CNTLN: variants seen among roughly 807,000 people sequenced by gnomAD.
CNTLN encodes centlein.
In CNTLN, 212 loss-of-function variants were observed where a neutral mutation model predicts 180.0. The ratio of observed to expected loss-of-function variants is 1.18; its 90% CI spans 1.05 to 1.32. The LOEUF (loss-of-function observed/expected upper bound fraction) is 1.32. CNTLN is among the 40% of genes most tolerant of loss of function. The pLI, the probability that CNTLN is intolerant of heterozygous loss-of-function variation, is 0.00. For missense variants in CNTLN, 2,095 were observed against 1,610.9 expected (o/e 1.30, Z -5.14); for synonymous variants, 722 against 563.1 (o/e 1.28, Z -3.99).
chr9:17,187,562 AT>A, intron 2 of CNTLN, among the ~76,000 whole-genome samples: 1 of 152,120 alleles, frequency 6.6e-6, no homozygotes, highest in African/African-American at 2.4e-5. Flanking sequence ...GTGCAAATAA[AT>A]TATTTACTTT....
intron 18 of CNTLN, among the ~76,000 whole-genome samples, chr9:17,419,000 G>T (rs1411133763): frequency 5.9e-5 from 9 of 152,166 alleles, no homozygotes; most frequent in Admixed American, 5.2e-4. Flanking sequence ...AAGCTTAGAA[G>T]AAGAAATTTG....
At chr9:17,457,936 A>G (rs1411603923) in intron 19 of CNTLN, among the ~76,000 whole-genome samples, 1 of 151,976 alleles carries the variant, frequency 6.6e-6, no homozygotes, top group East Asian at 1.9e-4. Flanking sequence ...ATGAAATCCT[A>G]ATTTAGGAGC....
intron 23 of CNTLN, among the ~76,000 whole-genome samples, chr9:17,467,507 T>C (rs540664695): frequency 3.3e-5 from 5 of 151,798 alleles, no homozygotes; most frequent in South Asian, 2.1e-4. Flanking sequence ...TTGGAAATCA[T>C]AGATACCTTG....
chr9:17,367,917 C>A (rs1823967676), intron 13 of CNTLN, among the ~76,000 whole-genome samples: 2 of 151,870 alleles, frequency 1.3e-5, no homozygotes, highest in Admixed American at 1.3e-4. Context: ...CCCAGGGCAT[C>A]CCCAGCTGTG....
intron 12 of CNTLN, among the ~76,000 whole-genome samples, chr9:17,354,625 C>T (rs1438734573): frequency 6.6e-6 from 1 of 152,032 alleles, no homozygotes; most frequent in East Asian, 1.9e-4. Context: ...CTGATGGGGA[C>T]GTGGAGAACC....
At chr9:17,252,962 G>T (rs1201620573) in intron 5 of CNTLN, among the ~76,000 whole-genome samples, 2 of 151,474 alleles carry the variant, frequency 1.3e-5, no homozygotes, top group African/African-American at 2.4e-5. Context: ...GATGTGTCCA[G>T]TTTCATTCTT....
chr9:17,515,186 C>A, the CNTLN span, among the ~76,000 whole-genome samples: 1 of 152,122 alleles, frequency 6.6e-6, no homozygotes, highest in Admixed American at 6.5e-5. Flanking sequence ...GCTGGTCACG[C>A]TTTCTTGAAA....
chr9:17,245,834 C>T (rs561466066), intron 5 of CNTLN, among the ~76,000 whole-genome samples: 2 of 151,848 alleles, frequency 1.3e-5, no homozygotes, highest in Non-Finnish European at 2.9e-5. Flanking sequence ...GAGACTGATG[C>T]ATTCTTTAAT....
At chr9:17,251,527 T>TC (rs1826141854) in intron 5 of CNTLN, among the ~76,000 whole-genome samples, 1 of 151,920 alleles carries the variant, frequency 6.6e-6, no homozygotes, top group South Asian at 2.1e-4. Flanking sequence ...TGCTGAACCC[T>TC]CTAGTGAAAA....
intron 2 of CNTLN, among the ~76,000 whole-genome samples, chr9:17,224,067 G>C (rs1342622974): frequency 6.6e-6 from 1 of 151,912 alleles, no homozygotes; most frequent in Non-Finnish European, 1.5e-5. Context: ...AGAGTTACAT[G>C]TTAACTATTC....
chr9:17,483,293 A>T, intron 23 of CNTLN, among the ~76,000 whole-genome samples: 1 of 150,712 alleles, frequency 6.6e-6, no homozygotes, highest in East Asian at 2.0e-4. Flanking sequence ...ACTCTGAAAT[A>T]GCATATTGGT....
intron 3 of CNTLN, among the ~76,000 whole-genome samples, chr9:17,233,242 C>A (rs1165748452): frequency 6.6e-6 from 1 of 151,700 alleles, no homozygotes; most frequent in Non-Finnish European, 1.5e-5. Context: ...AAGTAAGTTT[C>A]GTATAAGTTA....
At position 17,388,243 on chromosome 9, in the gene CNTLN, C is replaced by T. The variant is rs757918528; in HGVS notation, c.2069C>T (p.Thr690Ile). The change falls in exon 14 of 26, where the codon ACA (threonine) becomes ATA (isoleucine). Residue 690 changes from threonine (T) to isoleucine (I), a missense_variant. By Grantham distance (89) the Thr-to-Ile change is moderately conservative (BLOSUM62 -1). Transcript: ENST00000380647. ...EKNGKEMLEQ[T>I]LQKVTELENR... ...AATGGAAAAGAAATGTTGGAGCAGA[C>T]ATTACAGAAGGTAGTCTAATCTTTA... The T allele has an allele frequency of 4.4e-6, 7 of 1,607,246 alleles. No individual in the cohort carries two copies. The East Asian group carries it at 8.9e-5, about 21-fold the overall frequency.
rs1239731746 is a variant in CNTLN at position 17,286,166 on chromosome 9, T to G, written c.984-12024T>G. 6.9e-5 allele frequency among the ~76,000 whole-genome samples: 5 copies of G among 72,194 alleles called. 1 individual carries two copies. The highest frequency in any genetic ancestry group is 9.7e-5 in the Non-Finnish European group (4 of 41,372). The allele number at this position is 72,194 out of a possible 152,430, so 47.4% of individuals were successfully genotyped here. ...CTAACGTTTAAATCTTTAATCCATC[T>G]TGAATTGATTTTTGTATAAGGTGTA... On this transcript the variant is annotated intron_variant, in intron 6 of 25. Coordinates refer to ENST00000380647, the MANE Select transcript of CNTLN (RefSeq NM_017738.4).
At chr9:17,521,481 T>TC in the CNTLN span, among the ~76,000 whole-genome samples, 2 of 152,188 alleles carry the variant, frequency 1.3e-5, no homozygotes, top group Non-Finnish European at 2.9e-5. Context: ...ATTCTTTTTT[T>TC]CCCCCGAATT....
chr9:17,218,279 A>T (rs1823898482), intron 2 of CNTLN, among the ~76,000 whole-genome samples: 1 of 152,188 alleles, frequency 6.6e-6, no homozygotes, highest in Non-Finnish European at 1.5e-5. Flanking sequence ...AAAACATTTT[A>T]TATCAAAGTT....
chr9:17,320,737 A>T (rs1438232924), intron 8 of CNTLN, among the ~76,000 whole-genome samples: 2 of 152,258 alleles, frequency 1.3e-5, no homozygotes, highest in Non-Finnish European at 2.9e-5. Flanking sequence ...TCCTGATCTC[A>T]GGTGATCCAC....
chr9:17,424,480 G>C, intron 18 of CNTLN, among the ~76,000 whole-genome samples: 1 of 152,096 alleles, frequency 6.6e-6, no homozygotes. Context: ...GACTCAAACA[G>C]TATTAGCTCA....
chr9:17,315,274 A>G (rs758619627), intron 8 of CNTLN, among the ~76,000 whole-genome samples: 6 of 152,108 alleles, frequency 3.9e-5, no homozygotes, highest in Non-Finnish European at 5.9e-5. Context: ...GTTGATTTGC[A>G]CCATCTTTTC....
Sources: gnomAD v4.1 joint callset for allele counts (sites outside exome capture counted in the v4.1 genomes callset) on GRCh38, gnomAD v4.1.1 for gene constraint, MANE v1.5 for transcripts, NCBI Gene and HGNC (gene_info 2026-07-23, HGNC 2026-07-21) for gene names.